CDH12: variants seen among roughly 807,000 people sequenced by gnomAD.
CDH12 encodes the protein cadherin-12.
A neutral mutation model predicts 74.1 loss-of-function variants in CDH12; 41 were observed. The observed-to-expected ratio is 0.55, with a 90% CI of 0.43 to 0.72. The LOEUF (loss-of-function observed/expected upper bound fraction) is 0.72. CDH12 is among the 30% of genes least tolerant of loss of function. CDH12 has a pLI of 0.00. For missense variants in CDH12, 945 were observed against 977.2 expected (o/e 0.97, Z 0.44); for synonymous variants, 399 against 355.0 (o/e 1.12, Z -1.39).
At chr5:21,766,678 T>G (rs933699851) in intron 11 of CDH12, among the ~76,000 whole-genome samples, 1 of 151,948 alleles carries the variant, frequency 6.6e-6, no homozygotes, top group Non-Finnish European at 1.5e-5. Flanking sequence ...ATTTACACAG[T>G]ATAAAATATA....
chr5:22,779,260 A>T (rs1747267346), intron 1 of CDH12, among the ~76,000 whole-genome samples: 1 of 152,170 alleles, frequency 6.6e-6, no homozygotes, highest in Non-Finnish European at 1.5e-5. Flanking sequence ...CTGCCTTCAA[A>T]CTATTTATAT....
At chr5:22,505,618 T>C (rs1436643985) in intron 1 of CDH12, among the ~76,000 whole-genome samples, 2 of 152,068 alleles carry the variant, frequency 1.3e-5, no homozygotes, top group African/African-American at 4.8e-5. Flanking sequence ...TTGTGATAGA[T>C]GGATCCAAAT....
rs1445990922 is a variant in CDH12, at chr5:22,329,412, T to G, written c.-333+75845A>C. ...TCTCCGACCACCCTGAGTGCCACTG[T>G]TTGTTTCTAACCACTAGAATATGGC... On this transcript the variant is annotated intron_variant, in intron 3 of 14. Coordinates refer to ENST00000382254, the MANE Select transcript of CDH12 (RefSeq NM_004061.5). Among the ~76,000 whole-genome samples the G allele has an allele frequency of 2.0e-5, 3 of 152,130 alleles. 1 individual carries two copies. The highest frequency in any genetic ancestry group is 2.0e-4 in the Admixed American group (3 of 15,270).
chr5:22,723,075 A>G (rs948927175), intron 1 of CDH12, among the ~76,000 whole-genome samples: 1 of 152,212 alleles, frequency 6.6e-6, no homozygotes, highest in African/African-American at 2.4e-5. Context: ...ATCAGAAAAT[A>G]TAATGCTACT....
chr5:22,277,711 G>A (rs1033833147), intron 3 of CDH12, among the ~76,000 whole-genome samples: 9 of 152,240 alleles, frequency 5.9e-5, no homozygotes, highest in Admixed American at 4.6e-4. Context: ...GTGGGTGCCT[G>A]TAATCCCAGC....
intron 1 of CDH12, among the ~76,000 whole-genome samples, chr5:22,849,759 T>C (rs1737465279): frequency 6.6e-6 from 1 of 152,084 alleles, no homozygotes; most frequent in Non-Finnish European, 1.5e-5. Flanking sequence ...TAAGAAGAAT[T>C]TTACATTGTT....
chr5:22,546,214 G>A (rs1399844560), intron 1 of CDH12, among the ~76,000 whole-genome samples: 1 of 152,084 alleles, frequency 6.6e-6, no homozygotes, highest in East Asian at 1.9e-4. Flanking sequence ...AAAGTGCTGG[G>A]ATTACAGGCA....
rs201011336 is a variant in CDH12, at chr5:21,796,485, AT to A, written c.1256+5681del. Reference sequence around the variant, plus strand: ...TGAAAACATTGTAAGATGAATCTTTATGAGTCGGGGAACAATCTGTACACTT... The same window carrying A: ...TGAAAACATTGTAAGATGAATCTTTAGAGTCGGGGAACAATCTGTACACTT... On this transcript the variant is annotated intron_variant, in intron 10 of 14. Transcript: ENST00000382254. Among the ~76,000 whole-genome samples the A allele has an allele frequency of 5.6e-3, 846 of 152,196 alleles. 10 individuals carry two copies. Among genetic ancestry groups the A allele is most frequent in the African/African-American group, 0.02 (815 of 41,560 alleles).
At chr5:22,452,260 C>A (rs971369720) in intron 2 of CDH12, among the ~76,000 whole-genome samples, 3 of 151,714 alleles carry the variant, frequency 2.0e-5, no homozygotes, top group Non-Finnish European at 3.0e-5. Flanking sequence ...CACAAGGAAC[C>A]AAAACAACCT....
At chr5:22,058,561 G>A (rs972803589) in intron 5 of CDH12, among the ~76,000 whole-genome samples, 5 of 150,948 alleles carry the variant, frequency 3.3e-5, no homozygotes, top group Non-Finnish European at 7.4e-5. Context: ...AGATTACCGC[G>A]GGTTTTTTTT....
intron 8 of CDH12, among the ~76,000 whole-genome samples, chr5:21,821,412 A>G (rs1748364262): frequency 6.6e-6 from 1 of 152,012 alleles, no homozygotes; most frequent in African/African-American, 2.4e-5. Context: ...GACTTTAAAA[A>G]TACCACAACA....
intron 3 of CDH12, among the ~76,000 whole-genome samples, chr5:22,337,998 C>A (rs1739667187): frequency 6.6e-6 from 1 of 152,130 alleles, no homozygotes; most frequent in Non-Finnish European, 1.5e-5. Flanking sequence ...AACCACTCTG[C>A]AGAACTCTTT....
rs1357816462 is a variant in CDH12, at chr5:22,308,964, AGAGAGAGAGAAAGC to A, written c.-333+96279_-333+96292del. Among the ~76,000 whole-genome samples, 525 of 115,828 alleles carry A rather than the reference AGAGAGAGAGAAAGC, an allele frequency of 4.5e-3. 10 individuals carry two copies. Among genetic ancestry groups the A allele is most frequent in the African/African-American group, 0.014 (499 of 34,584 alleles). The allele number at this position is 115,828 out of a possible 152,430, so 76.0% of individuals were successfully genotyped here. On this transcript the variant is annotated intron_variant, in intron 3 of 14. Coordinates refer to ENST00000382254, the MANE Select transcript of CDH12 (RefSeq NM_004061.5). ...GAGAGAGAGGAGAGAGAGGAGAGAG[AGAGAGAGAGAAAGC>A]GAGAGAGAGATGACTTCCTATATGA... is the stretch of plus-strand genomic sequence containing the variant.
intron 1 of CDH12, among the ~76,000 whole-genome samples, chr5:22,507,520 A>C (rs1485802489): frequency 6.6e-6 from 1 of 152,160 alleles, no homozygotes; most frequent in African/African-American, 2.4e-5. Context: ...TTATTTTCTG[A>C]AAGTAAAAAC....
intron 1 of CDH12, among the ~76,000 whole-genome samples, chr5:22,588,047 T>A (rs534795565): frequency 1.3e-5 from 2 of 149,956 alleles, no homozygotes; most frequent in South Asian, 4.2e-4. Context: ...CACATATATA[T>A]GTGTGTATAC....
intron 2 of CDH12, among the ~76,000 whole-genome samples, chr5:22,489,079 A>G (rs1324651282): frequency 7.9e-4 from 1 of 1,258 alleles, no homozygotes; most frequent in Non-Finnish European, 2.6e-3. Context: ...TTTTTTTGAG[A>G]CAGAGTCTCG....
intron 1 of CDH12, among the ~76,000 whole-genome samples, chr5:22,671,802 A>T (rs1740911922): frequency 6.6e-6 from 1 of 151,680 alleles, no homozygotes. Flanking sequence ...CCAATAACAA[A>T]TACTCTAGGC....
intron 3 of CDH12, among the ~76,000 whole-genome samples, chr5:22,340,239 A>G (rs1023492605): frequency 2.0e-5 from 3 of 152,176 alleles, no homozygotes; most frequent in African/African-American, 7.2e-5. Flanking sequence ...TTTTCAAAAA[A>G]TTCTGGGCTG....
At chr5:22,473,379 G>T (rs1333569402) in intron 2 of CDH12, among the ~76,000 whole-genome samples, 2 of 151,930 alleles carry the variant, frequency 1.3e-5, no homozygotes, top group African/African-American at 2.4e-5. Context: ...AATTACGAAA[G>T]GTATTTTGAC....
Sources: allele counts gnomAD v4.1 joint callset (sites outside exome capture counted in the v4.1 genomes callset), GRCh38; gene constraint gnomAD v4.1.1; transcripts MANE v1.5; gene names NCBI Gene and HGNC (gene_info 2026-07-23, HGNC 2026-07-21).